Variants in ZNF490 observed in about 807,000 individuals in gnomAD.
ZNF490 encodes the protein zinc finger protein 490.
In ZNF490, 11 loss-of-function variants were observed where a neutral mutation model predicts 17.7. The ratio of observed to expected loss-of-function variants is 0.62; its 90% confidence interval spans 0.39 to 1.03. ZNF490 has a LOEUF of 1.03. Among genes scored for constraint, ZNF490 ranks in the 50% least tolerant of loss-of-function variants. ZNF490 has a pLI of 0.00. For synonymous variants in ZNF490, 222 were observed against 216.1 expected, an observed-to-expected ratio of 1.03 and a Z score of -0.24; for missense variants, 542 against 643.4, an observed-to-expected ratio of 0.84 and a Z score of 1.71.
intron 2 of ZNF490, among the ~76,000 whole-genome samples, chr19:12,604,481 C>T (rs111232792): frequency 0.029 from 4,437 of 152,036 alleles, 127 homozygotes; most frequent in African/African-American, 0.065. Flanking sequence ...GAAACCCTGC[C>T]TCTACTAAAA....
chr19:12,577,436 A>G lies in ZNF490; in HGVS notation c.*3049T>C. 1.0e-6 allele frequency: 1 copy of G among 985,302 alleles called. No individual in the cohort carries two copies. Among genetic ancestry groups the G allele is most frequent in the Non-Finnish European group, 1.2e-6 (1 of 829,858 alleles). The allele number at this position is 985,302 out of a possible 1,614,324, so 61.0% of individuals were successfully genotyped here. ...AATCATCTCTCTACAAAAGCACAAC[A>G]TGGCAGCTCAAGAATGTGAAAGGAC... On this transcript the variant is annotated 3_prime_UTR_variant, in exon 5 of 5. Coordinates refer to ENST00000311437, the MANE Select transcript of ZNF490 (RefSeq NM_020714.3).
At position 12,576,689 on chromosome 19, in the gene ZNF490, C is replaced by T. The variant is rs1422140284; in HGVS notation, c.*3796G>A. Reference sequence around the variant, plus strand: ...AAATTTAGCTGGTTGTGGTGGCACGCGCCTATAGTCCCAGCTACTCAGGAG... The same window carrying T: ...AAATTTAGCTGGTTGTGGTGGCACGTGCCTATAGTCCCAGCTACTCAGGAG... On this transcript the variant is annotated 3_prime_UTR_variant, in exon 5 of 5. Coordinates refer to ENST00000311437, the MANE Select transcript of ZNF490 (RefSeq NM_020714.3). Among the ~76,000 whole-genome samples the T allele has an allele frequency of 2.6e-5, 4 of 151,500 alleles. No individual in the cohort carries two copies. The highest frequency in any genetic ancestry group is 1.3e-4 in the Admixed American group (2 of 15,174).
chr19:12,603,190 G>A (rs1254526652), intron 2 of ZNF490, among the ~76,000 whole-genome samples: 1 of 152,058 alleles, frequency 6.6e-6, no homozygotes, highest in East Asian at 1.9e-4. Context: ...AGCGACTAGA[G>A]CAATTGGAGT....
chr19:12,595,305 T>C (rs2022918331), intron 2 of ZNF490, among the ~76,000 whole-genome samples: 1 of 152,040 alleles, frequency 6.6e-6, no homozygotes, highest in African/African-American at 2.4e-5. Flanking sequence ...CAGTTAATTT[T>C]GTATTTTTAG....
rs528988672 is a variant in ZNF490, at chr19:12,586,507, C to G, written c.163-2951G>C. Among the ~76,000 whole-genome samples the G allele has an allele frequency of 2.2e-5, 2 of 92,180 alleles. 1 individual carries two copies. Among genetic ancestry groups the G allele is most frequent in the South Asian group, 5.7e-4 (2 of 3,482 alleles). 60.5% of individuals were successfully genotyped at this position (92,180 alleles called of 152,430 possible). On this transcript the variant is annotated intron_variant, in intron 2 of 4. Transcript: ENST00000311437. Reference sequence around the variant, plus strand: ...ACAGCCTAAAATCAACAGGATAAACCTAAACCCTCACATTTAAAGCCTGTT... The same window carrying G: ...ACAGCCTAAAATCAACAGGATAAACGTAAACCCTCACATTTAAAGCCTGTT...
Position 12,610,566 on chromosome 19 carries a change from G to C in ZNF490, c.115C>G (p.Gln39Glu). The C allele has an allele frequency of 1.9e-6, 3 of 1,613,228 alleles. No homozygotes were observed. The highest frequency in any genetic ancestry group is 2.5e-6 in the Non-Finnish European group (3 of 1,179,366). ...ACATTATGCCAAGCCCCTGGTACCT[G>C]GAGGACATCAGACCCTCCTGTTCCT... is the stretch of plus-strand genomic sequence containing the variant. ...RTGTGGSDVL[Q>E]MQNSEHHGQS... is the part of the protein sequence containing the mutation. Residue 39 changes from glutamine (Q) to glutamate (E), a missense_variant and splice_region_variant, in exon 1 of 5, where the codon CAG becomes GAG. Transcript: ENST00000311437.
chr19:12,582,408 T>A (rs2022749023), intron 4 of ZNF490, among the ~76,000 whole-genome samples: 1 of 151,904 alleles, frequency 6.6e-6, no homozygotes, highest in Non-Finnish European at 1.5e-5. Flanking sequence ...GTTTCTGTTG[T>A]TTTTTTAGAC....
At chr19:12,594,767 C>A (rs2022913114) in intron 2 of ZNF490, among the ~76,000 whole-genome samples, 6 of 152,124 alleles carry the variant, frequency 3.9e-5, no homozygotes, top group Admixed American at 1.3e-4. Flanking sequence ...TCTGCCTGGG[C>A]GACAGAGTGA....
In ZNF490 at chr19:12,610,112, T is replaced by C. The variant is rs569582476; in HGVS notation, c.117+452A>G. 300 of 385,508 alleles carry C rather than the reference T, an allele frequency of 7.8e-4. 4 individuals carry two copies. Among genetic ancestry groups the C allele is most frequent in the South Asian group, 5.5e-3 (270 of 49,420 alleles). 23.9% of individuals were successfully genotyped at this position (385,508 alleles called of 1,614,324 possible). On this transcript the variant is annotated intron_variant, in intron 1 of 4. Transcript: ENST00000311437. Reference sequence around the variant, plus strand: ...ACTGAGCACGTCTCATAGATCGTGATTGGTCTGAAGAGTCCCTGTGCCCAG... The same window carrying C: ...ACTGAGCACGTCTCATAGATCGTGACTGGTCTGAAGAGTCCCTGTGCCCAG...
chr19:12,606,541 C>T (rs1205204938), intron 2 of ZNF490, among the ~76,000 whole-genome samples: 3 of 151,894 alleles, frequency 2.0e-5, no homozygotes, highest in Admixed American at 6.6e-5. Flanking sequence ...GATGCGGTTT[C>T]GCCATGTTGG....
In ZNF490 at chr19:12,586,819, C is replaced by T. The variant is rs546637630; in HGVS notation, c.163-3263G>A. Among the ~76,000 whole-genome samples, 146 of 93,442 alleles carry T rather than the reference C, an allele frequency of 1.6e-3. 49 individuals carry two copies. Among genetic ancestry groups the T allele is most frequent in the African/African-American group, 4.5e-3 (140 of 31,408 alleles). The allele number at this position is 93,442 out of a possible 152,430, so 61.3% of individuals were successfully genotyped here. ...CCAGGCGTGGCTCACGCCTGTAATCCCAGAACTTTGGGAGGCCGAGGCAGG... is the reference window on the plus strand; with the variant it reads ...CCAGGCGTGGCTCACGCCTGTAATCTCAGAACTTTGGGAGGCCGAGGCAGG... On this transcript the variant is annotated intron_variant, in intron 2 of 4. Transcript: ENST00000311437.
intron 2 of ZNF490, among the ~76,000 whole-genome samples, chr19:12,597,958 G>A (rs2022954974): frequency 6.6e-6 from 1 of 152,122 alleles, no homozygotes; most frequent in Non-Finnish European, 1.5e-5. Context: ...GGGTGCGGAG[G>A]CTCTCGCTTG....
rs1416406548 is a variant in ZNF490, at chr19:12,599,712, G to A, written c.162+9446C>T. 3.3e-5 allele frequency among the ~76,000 whole-genome samples: 5 copies of A among 152,194 alleles called. No homozygotes were observed. In the East Asian group the frequency reaches 9.6e-4, roughly 29 times the overall value. ...ACATGCAAGGTGTGTAAGGAAAGTA[G>A]AGTATACTTTTGGTAAAAAGATTAT... On this transcript the variant is annotated intron_variant, in intron 2 of 4. Coordinates refer to ENST00000311437, the MANE Select transcript of ZNF490 (RefSeq NM_020714.3).
rs1445562162 is a variant in ZNF490 at position 12,604,831 on chromosome 19, A to AT, written c.162+4326_162+4327insA. 2.1e-3 allele frequency among the ~76,000 whole-genome samples: 320 copies of AT among 151,190 alleles called. 4 individuals carry two copies. Among genetic ancestry groups the AT allele is most frequent in the African/African-American group, 6.3e-3 (259 of 41,262 alleles). ...AAGAGCAAAACTCCGTCTCAAAAAA[A>AT]AAATAATAATAATAATAAATAAAAT... is the stretch of plus-strand genomic sequence containing the variant. On this transcript the variant is annotated intron_variant, in intron 2 of 4. Transcript: ENST00000311437.
rs1468451959 is a variant in ZNF490, at chr19:12,576,275, A to AG, written c.*4209dup. 6.6e-6 allele frequency among the ~76,000 whole-genome samples: 1 copy of AG among 152,140 alleles called. No individual in the cohort carries two copies. The highest frequency in any genetic ancestry group is 1.5e-5 in the Non-Finnish European group (1 of 68,024). ...CTAATCCCAGCACTTTGAGAGGCCG[A>AG]GGCAGGCAGATCACAAGGTCAGGAG... On this transcript the variant is annotated 3_prime_UTR_variant, in exon 5 of 5. Coordinates refer to ENST00000311437, the MANE Select transcript of ZNF490 (RefSeq NM_020714.3).
rs114954075 is a variant in ZNF490, at chr19:12,610,780, A to C, written c.-100T>G. The C allele has an allele frequency of 1.9e-5, 24 of 1,238,496 alleles. No individual in the cohort carries two copies. In the African/African-American group the frequency reaches 3.5e-4, roughly 18 times the overall value. 76.7% of individuals were successfully genotyped at this position (1,238,496 alleles called of 1,614,324 possible). ...AACACAATTGTCCACGGAGGGCACCAGTTCCGTCCCACCGGCGGAAGCGAG... is the reference window on the plus strand; with the variant it reads ...AACACAATTGTCCACGGAGGGCACCCGTTCCGTCCCACCGGCGGAAGCGAG... On this transcript the variant is annotated 5_prime_UTR_variant, in exon 1 of 5. Transcript: ENST00000311437.
At position 12,610,783 on chromosome 19, in the gene ZNF490, T is replaced by A. The variant is rs1225459674; in HGVS notation, c.-103A>T. 2.5e-6 allele frequency: 3 copies of A among 1,216,740 alleles called. No individual in the cohort carries two copies. Among genetic ancestry groups the A allele is most frequent in the African/African-American group, 3.0e-5 (2 of 67,322 alleles). The allele number at this position is 1,216,740 out of a possible 1,614,324, so 75.4% of individuals were successfully genotyped here. On this transcript the variant is annotated 5_prime_UTR_variant, in exon 1 of 5. Coordinates refer to ENST00000311437, the MANE Select transcript of ZNF490 (RefSeq NM_020714.3). ...ACAATTGTCCACGGAGGGCACCAGTTCCGTCCCACCGGCGGAAGCGAGATC... is the reference window on the plus strand; with the variant it reads ...ACAATTGTCCACGGAGGGCACCAGTACCGTCCCACCGGCGGAAGCGAGATC...
rs562159711 is a variant in ZNF490 at position 12,605,974 on chromosome 19, G to A, written c.162+3184C>T. Among the ~76,000 whole-genome samples the A allele has an allele frequency of 4.6e-5, 7 of 151,630 alleles. 1 individual carries two copies. The highest frequency in any genetic ancestry group is 1.7e-4 in the African/African-American group (7 of 41,304). Reference sequence around the variant, plus strand: ...TGGCTCACCGCAACCTCCACCTCCCGGGTTCAAGCAATTATCCTGCCTCAG... The same window carrying A: ...TGGCTCACCGCAACCTCCACCTCCCAGGTTCAAGCAATTATCCTGCCTCAG... On this transcript the variant is annotated intron_variant, in intron 2 of 4. Transcript: ENST00000311437.
At chr19:12,598,027 C>T (rs74724056) in intron 2 of ZNF490, among the ~76,000 whole-genome samples, 1 of 152,110 alleles carries the variant, frequency 6.6e-6, no homozygotes, top group African/African-American at 2.4e-5. Flanking sequence ...TGATCGAGAC[C>T]ATCCTGGCCA....
Sources: allele counts gnomAD v4.1 joint callset (sites outside exome capture counted in the v4.1 genomes callset), GRCh38; gene constraint gnomAD v4.1.1; transcripts MANE v1.5; gene names NCBI Gene and HGNC (gene_info 2026-07-23, HGNC 2026-07-21).